Variants in CDKAL1 observed in about 807,000 individuals in gnomAD.
CDKAL1 encodes threonylcarbamoyladenosine tRNA methylthiotransferase.
CDKAL1 carries 32 observed loss-of-function variants against 68.2 expected under a neutral mutation model. The observed-to-expected ratio is 0.47, with a 90% CI of 0.35 to 0.63. The LOEUF is 0.63. Among genes scored for constraint, CDKAL1 ranks in the 30% least tolerant of loss-of-function variants. The pLI, the probability that CDKAL1 is intolerant of heterozygous loss-of-function variation, is 0.00. For synonymous variants in CDKAL1, 234 were observed against 244.3 expected (o/e 0.96, Z 0.39); for missense variants, 606 against 696.7 (o/e 0.87, Z 1.47).
intron 13 of CDKAL1, among the ~76,000 whole-genome samples, chr6:21,192,404 C>A (rs1410756998): frequency 1.3e-5 from 2 of 152,216 alleles, no homozygotes; most frequent in African/African-American, 2.4e-5. Flanking sequence ...AAATTACTTT[C>A]TCTACTTACA....
intron 13 of CDKAL1, among the ~76,000 whole-genome samples, chr6:21,167,855 A>G (rs1037758398): frequency 1.3e-5 from 2 of 152,214 alleles, no homozygotes; most frequent in South Asian, 2.1e-4. Flanking sequence ...GTTATAATCT[A>G]TGTCGGAGCT....
At chr6:20,791,057 T>C (rs1002712793) in intron 8 of CDKAL1, among the ~76,000 whole-genome samples, 2 of 152,196 alleles carry the variant, frequency 1.3e-5, no homozygotes, top group African/African-American at 4.8e-5. Context: ...GACTTGTAGC[T>C]TGGCTTTCAG....
chr6:20,584,464 C>A (rs943461074), intron 4 of CDKAL1, among the ~76,000 whole-genome samples: 8 of 152,240 alleles, frequency 5.3e-5, no homozygotes, highest in African/African-American at 1.9e-4. Context: ...GCTGGAAATG[C>A]ACACAACCCT....
chr6:20,965,024 T>C (rs1031604633), intron 10 of CDKAL1, among the ~76,000 whole-genome samples: 5 of 152,180 alleles, frequency 3.3e-5, no homozygotes, highest in African/African-American at 1.2e-4. Flanking sequence ...AATAAACTGA[T>C]GTTTGGCCAG....
At chr6:20,637,042 A>T (rs1329903576) in intron 4 of CDKAL1, among the ~76,000 whole-genome samples, 1 of 148,058 alleles carries the variant, frequency 6.8e-6, no homozygotes, top group Non-Finnish European at 1.5e-5. Context: ...GTCTCAAAAA[A>T]AAAAAAAAAA....
chr6:20,621,709 T>C (rs1020068226), intron 4 of CDKAL1, among the ~76,000 whole-genome samples: 1 of 152,116 alleles, frequency 6.6e-6, no homozygotes, highest in East Asian at 1.9e-4. Context: ...GCTTTGGCCA[T>C]TGGGAGATGA....
At chr6:21,163,798 C>A (rs577612271) in intron 13 of CDKAL1, among the ~76,000 whole-genome samples, 1 of 151,970 alleles carries the variant, frequency 6.6e-6, no homozygotes, top group South Asian at 2.1e-4. Context: ...CTAAAAATAC[C>A]AAAATCAGCC....
chr6:21,155,744 C>T (rs1224541628), intron 13 of CDKAL1, among the ~76,000 whole-genome samples: 1 of 152,106 alleles, frequency 6.6e-6, no homozygotes, highest in African/African-American at 2.4e-5. Flanking sequence ...AGTAATTAGT[C>T]CTACTGGGAA....
intron 6 of CDKAL1, among the ~76,000 whole-genome samples, chr6:20,750,781 T>C (rs1773882058): frequency 5.3e-5 from 8 of 151,770 alleles, no homozygotes. Flanking sequence ...CTGGCCAACA[T>C]GGTGAAACCC....
chr6:20,998,499 CT>C (rs1318185158), intron 10 of CDKAL1, among the ~76,000 whole-genome samples: 2 of 152,058 alleles, frequency 1.3e-5, no homozygotes, highest in Non-Finnish European at 2.9e-5. Flanking sequence ...GTAATCCCAG[CT>C]ACTTGGACGC....
intron 9 of CDKAL1, among the ~76,000 whole-genome samples, chr6:20,895,789 A>G (rs972077531): frequency 4.6e-5 from 7 of 152,172 alleles, no homozygotes; most frequent in African/African-American, 1.7e-4. Context: ...AAGCACTACC[A>G]TACCCAAAAA....
chr6:20,993,665 T>A (rs1766956887), intron 10 of CDKAL1: 1 of 152,234 alleles, frequency 6.6e-6, no homozygotes, highest in East Asian at 1.9e-4. Context: ...AAAATGAAAT[T>A]TAGCAGTTCT....
chr6:20,718,982 T>A (rs1772220334), intron 5 of CDKAL1, among the ~76,000 whole-genome samples: 2 of 152,204 alleles, frequency 1.3e-5, no homozygotes, highest in Non-Finnish European at 2.9e-5. Context: ...TTCATCTTTT[T>A]AAACCATTTT....
chr6:20,901,684 A>G (rs1276611365), intron 9 of CDKAL1, among the ~76,000 whole-genome samples: 9 of 118,902 alleles, frequency 7.6e-5, no homozygotes, highest in Admixed American at 1.9e-4. Context: ...CCATCTGGAA[A>G]AAAAAAAAAA....
intron 4 of CDKAL1, among the ~76,000 whole-genome samples, chr6:20,599,137 T>G (rs1183419599): frequency 6.6e-6 from 1 of 152,092 alleles, no homozygotes; most frequent in Non-Finnish European, 1.5e-5. Flanking sequence ...TCCTATAATC[T>G]CCAGGTAAAA....
rs115773350 is a variant in CDKAL1, at chr6:21,156,569, T to C, written c.1300-41452T>C. ...ATTTCTAAAATGAACATTTATTCCT[T>C]TTGTAAAGAAGGGAAAGAGAAAGGA... On this transcript the variant is annotated intron_variant, in intron 13 of 15. Transcript: ENST00000274695. Among the ~76,000 whole-genome samples the C allele has an allele frequency of 4.1e-3, 629 of 152,262 alleles. 7 individuals carry two copies. The highest frequency in any genetic ancestry group is 0.015 in the African/African-American group (604 of 41,542).
chr6:21,130,548 C>T (rs1009211091), intron 13 of CDKAL1, among the ~76,000 whole-genome samples: 6 of 152,058 alleles, frequency 3.9e-5, no homozygotes, highest in African/African-American at 7.2e-5. Context: ...TTTATAAACC[C>T]CTGATTTGCT....
At chr6:20,936,818 C>T (rs1481500255) in intron 9 of CDKAL1, among the ~76,000 whole-genome samples, 1 of 152,094 alleles carries the variant, frequency 6.6e-6, no homozygotes, top group East Asian at 1.9e-4. Context: ...AATCAGGAAA[C>T]TTTGACTCCG....
chr6:20,978,555 G>A (rs1369663992), intron 10 of CDKAL1, among the ~76,000 whole-genome samples: 1 of 152,198 alleles, frequency 6.6e-6, no homozygotes, highest in Non-Finnish European at 1.5e-5. Context: ...TGTTAGGTGA[G>A]ACATACAGAT....
Sources: gnomAD v4.1 joint callset for allele counts (sites outside exome capture counted in the v4.1 genomes callset) on GRCh38, gnomAD v4.1.1 for gene constraint, MANE v1.5 for transcripts, NCBI Gene and HGNC (gene_info 2026-07-23, HGNC 2026-07-21) for gene names.